LTA: variants seen among roughly 807,000 people sequenced by gnomAD.
LTA encodes the protein lymphotoxin-alpha.
In LTA, 6 loss-of-function variants were observed where a neutral mutation model predicts 15.1. The observed-to-expected ratio is 0.40, with a 90% CI of 0.22 to 0.78. The LOEUF is 0.78. LTA is among the 30% of genes least tolerant of loss of function. The probability of loss-of-function intolerance (pLI) is 0.38; values close to 1 mark genes in which losing one functional copy is unlikely to be tolerated. For missense variants in LTA, 173 were observed against 249.5 expected (o/e 0.69, Z 2.06); for synonymous variants, 87 against 107.3 (o/e 0.81, Z 1.17).
chr6:31,565,334 T>C, the LTA span, among the ~76,000 whole-genome samples: 3 of 152,182 alleles, frequency 2.0e-5, no homozygotes, highest in Admixed American at 6.5e-5. Context: ...GGGAATTGAA[T>C]CCAGGGAGGT....
chr6:31,560,942 C>T, the LTA span, among the ~76,000 whole-genome samples: 1 of 152,046 alleles, frequency 6.6e-6, no homozygotes, highest in African/African-American at 2.4e-5. Flanking sequence ...GATGAGTAAA[C>T]TTTAAGATGA....
chr6:31,566,864 C>T, the LTA span, among the ~76,000 whole-genome samples: 5 of 150,454 alleles, frequency 3.3e-5, no homozygotes, highest in South Asian at 8.5e-4. Context: ...CGTTTGAACC[C>T]GGGCAGCAGA....
At chr6:31,570,338 C>T (rs1770767288), upstream of LTA, among the ~76,000 whole-genome samples, 1 of 152,188 alleles carries the variant, frequency 6.6e-6, no homozygotes, top group Admixed American at 6.5e-5. Flanking sequence ...CTCCATGTTA[C>T]ACCAAGACCC....
chr6:31,565,126 T>C, the LTA span, among the ~76,000 whole-genome samples: 9 of 152,190 alleles, frequency 5.9e-5, no homozygotes, highest in African/African-American at 2.2e-4. Context: ...ACCCCTCTCT[T>C]CTGCCTTCAT....
At chr6:31,566,642 GAAAAAAA>G in the LTA span, among the ~76,000 whole-genome samples, 1 of 122,976 alleles carries the variant, frequency 8.1e-6, no homozygotes, top group Non-Finnish European at 1.7e-5. Flanking sequence ...TGTCTTAAAA[GAAAAAAA>G]AAAAAAAAAA....
rs1771001858 is a variant in LTA at position 31,573,793 on chromosome 6, T to C, written c.*100T>C. 3 of 1,392,184 alleles carry C rather than the reference T, an allele frequency of 2.2e-6. No homozygotes were observed. Among genetic ancestry groups the C allele is most frequent in the Non-Finnish European group, 3.0e-6 (3 of 992,634 alleles). 86.2% of individuals were successfully genotyped at this position (1,392,184 alleles called of 1,614,324 possible). On this transcript the variant is annotated 3_prime_UTR_variant, in exon 4 of 4. Transcript: ENST00000418386. ...TTCAGGGGTCGTCACCACCTCTCCT[T>C]TGGCCATTCCAACAGCTCAAGTCTT...
the LTA span, among the ~76,000 whole-genome samples, chr6:31,564,337 T>C: frequency 6.6e-6 from 1 of 152,082 alleles, no homozygotes; most frequent in African/African-American, 2.4e-5. Context: ...TGGAGTGCAG[T>C]GGTGTGATCT....
At chr6:31,572,875 G>A (rs1770924497) in intron 2 of LTA, 34 bp downstream of exon 2, 1 of 1,610,734 alleles carries the variant, frequency 6.2e-7, no homozygotes, top group Non-Finnish European at 8.5e-7. Flanking sequence ...CTGCTGGGGT[G>A]GCTCAGCCAA....
chr6:31,571,896 G>C (rs1770844735), upstream of LTA, among the ~76,000 whole-genome samples: 1 of 150,690 alleles, frequency 6.6e-6, no homozygotes, highest in Admixed American at 6.6e-5. Context: ...AATGGGCAAA[G>C]AGAGAAGCCT....
In LTA at chr6:31,574,028, A is replaced by T; in HGVS notation, c.*335A>T. 1 of 518,248 alleles carries T rather than the reference A, an allele frequency of 1.9e-6. No individual in the cohort carries two copies. The highest frequency in any genetic ancestry group is 3.5e-6 in the Non-Finnish European group (1 of 285,864). 32.1% of individuals were successfully genotyped at this position (518,248 alleles called of 1,614,324 possible). On this transcript the variant is annotated 3_prime_UTR_variant, in exon 4 of 4. Transcript: ENST00000418386. ...GCAGGCACATGGAGGAGCTTGGGGG[A>T]TGACTAGAGGCAGGGAGGGGACTAT...
At position 31,572,759 on chromosome 6, in the gene LTA, G is replaced by A. The variant is rs538402044; in HGVS notation, c.17G>A (p.Arg6His). 1.8e-4 allele frequency: 284 copies of A among 1,608,942 alleles called. 3 individuals are homozygous for A. In the South Asian group the frequency reaches 2.2e-3, roughly 12 times the overall value. ...GTTCTCCCCATGACACCACCTGAAC[G>A]TCTCTTCCTCCCAAGGGTGTGTGGC... is the stretch of plus-strand genomic sequence containing the variant. The part of the protein sequence containing the change: MTPPE[R>H]LFLPRVCGTT... The change falls in exon 2 of 4, where the codon CGT (arginine) becomes CAT (histidine). Residue 6 changes from arginine to histidine, a missense_variant. Coordinates refer to ENST00000418386, the MANE Select transcript of LTA (RefSeq NM_000595.4).
chr6:31,570,363 G>A (rs1304378015), upstream of LTA, among the ~76,000 whole-genome samples: 2 of 152,174 alleles, frequency 1.3e-5, no homozygotes, highest in Non-Finnish European at 2.9e-5. Context: ...GGGACCTTGT[G>A]CCTGGGGAGA....
the LTA span, among the ~76,000 whole-genome samples, chr6:31,563,773 A>G: frequency 6.6e-6 from 1 of 152,032 alleles, no homozygotes; most frequent in Non-Finnish European, 1.5e-5. Flanking sequence ...ACGCCCAGCT[A>G]ATTTTTGTAT....
At chr6:31,569,703 A>G (rs974165881), upstream of LTA, among the ~76,000 whole-genome samples, 3 of 152,018 alleles carry the variant, frequency 2.0e-5, no homozygotes, top group Non-Finnish European at 4.4e-5. Context: ...AGGCTGAGGC[A>G]GGAGAATAGC....
upstream of LTA, among the ~76,000 whole-genome samples, chr6:31,568,522 T>A (rs1770688320): frequency 6.6e-6 from 1 of 152,204 alleles, no homozygotes; most frequent in Admixed American, 6.5e-5. The surrounding 1 kb of genome is among the most constrained non-coding windows in gnomAD (Gnocchi z 4.1). Flanking sequence ...GGGTTGATGT[T>A]GGTATTAAAT....
chr6:31,568,222 C>T (rs1487966919), upstream of LTA, among the ~76,000 whole-genome samples: 3 of 152,226 alleles, frequency 2.0e-5, no homozygotes, highest in Middle Eastern at 3.4e-3. The surrounding 1 kb of genome is among the most constrained non-coding windows in gnomAD (Gnocchi z 4.1). Flanking sequence ...GTGTTAGGCA[C>T]GCAGATACTC....
chr6:31,563,986 C>T, the LTA span, among the ~76,000 whole-genome samples: 1 of 152,076 alleles, frequency 6.6e-6, no homozygotes, highest in Non-Finnish European at 1.5e-5. Flanking sequence ...CAAGCAAAAC[C>T]AGGAAAGCAG....
chr6:31,566,927 G>A, the LTA span, among the ~76,000 whole-genome samples: 4 of 148,146 alleles, frequency 2.7e-5, no homozygotes, highest in Admixed American at 6.7e-5. Context: ...GCAACAGAGT[G>A]AGACTCCGTC....
At chr6:31,572,637 G>A in intron 1 of LTA, 97 bp from the exon 2 acceptor site, 2 of 668,892 alleles carry the variant, frequency 3.0e-6, no homozygotes, top group Non-Finnish European at 4.9e-6. Flanking sequence ...TCTCTCTCGG[G>A]GGTCGGGGGG....
Sources: allele counts gnomAD v4.1 joint callset (sites outside exome capture counted in the v4.1 genomes callset), GRCh38; gene constraint gnomAD v4.1.1; non-coding constraint Gnocchi (gnomAD v3.1); transcripts MANE v1.5; gene names NCBI Gene and HGNC (gene_info 2026-07-23, HGNC 2026-07-21).